KLHL28: variants seen among roughly 807,000 people sequenced by gnomAD.
The protein encoded by KLHL28 is kelch like family member 28.
Under a neutral mutation model 48.3 loss-of-function variants are expected in KLHL28, and 22 were observed. That is an observed-to-expected ratio of 0.46 (90% CI 0.33 to 0.65). The LOEUF is 0.65. Ranked by LOEUF, KLHL28 falls within the 30% of genes least tolerant of loss-of-function variation. The pLI is 0.03. For missense variants in KLHL28, 527 were observed against 704.3 expected (o/e 0.75, Z 2.85); for synonymous variants, 243 against 242.4 (o/e 1.00, Z -0.02).
intron 2 of KLHL28, among the ~76,000 whole-genome samples, chr14:44,941,628 CAAAA>C (rs1247926852): frequency 4.9e-5 from 4 of 81,076 alleles, no homozygotes; most frequent in Admixed American, 1.4e-4. Flanking sequence ...AACTCTGTCT[CAAAA>C]AAAAAAAAAA....
intron 1 of KLHL28, among the ~76,000 whole-genome samples, chr14:44,960,697 T>C (rs533303658): frequency 1.3e-5 from 2 of 151,714 alleles, no homozygotes; most frequent in African/African-American, 4.8e-5. Context: ...ATTTACATTA[T>C]AGTCTATTCC....
chr14:44,960,127 G>A (rs1884968340), intron 1 of KLHL28, among the ~76,000 whole-genome samples: 1 of 152,170 alleles, frequency 6.6e-6, no homozygotes. Context: ...AATCTGTAAT[G>A]TATAGTGATC....
At chr14:44,941,327 C>T (rs1391701780) in intron 2 of KLHL28, among the ~76,000 whole-genome samples, 1 of 152,100 alleles carries the variant, frequency 6.6e-6, no homozygotes, top group Admixed American at 6.6e-5. Context: ...ATTTCTACAA[C>T]TCTGCTTGAA....
chr14:44,933,735 T>C (rs1322064664), intron 3 of KLHL28, among the ~76,000 whole-genome samples: 1 of 152,196 alleles, frequency 6.6e-6, no homozygotes, highest in Non-Finnish European at 1.5e-5. Flanking sequence ...TAATATTGTA[T>C]AGACACACAG....
chr14:44,956,306 AT>A (rs1441835319), intron 1 of KLHL28, among the ~76,000 whole-genome samples: 1 of 152,178 alleles, frequency 6.6e-6, no homozygotes, highest in Non-Finnish European at 1.5e-5. Flanking sequence ...TAAAGAAGGA[AT>A]AATGGAATAT....
At chr14:44,960,300 T>C (rs1413776671) in intron 1 of KLHL28, among the ~76,000 whole-genome samples, 1 of 152,224 alleles carries the variant, frequency 6.6e-6, no homozygotes, top group East Asian at 1.9e-4. Context: ...GTTATTAACT[T>C]GGCTTCCCAA....
intron 1 of KLHL28, among the ~76,000 whole-genome samples, chr14:44,949,755 A>C (rs1884496474): frequency 1.3e-5 from 2 of 152,290 alleles, no homozygotes; most frequent in Admixed American, 1.3e-4. Context: ...ACCCAAGTAT[A>C]GAATAAGAGA....
chr14:44,954,250 T>C (rs1421285376), intron 1 of KLHL28, among the ~76,000 whole-genome samples: 1 of 152,218 alleles, frequency 6.6e-6, no homozygotes, highest in Non-Finnish European at 1.5e-5. Context: ...ATTTGGATTT[T>C]TCCTTTGACC....
At chr14:44,935,948 C>T (rs1883810116) in intron 2 of KLHL28, among the ~76,000 whole-genome samples, 1 of 131,582 alleles carries the variant, frequency 7.6e-6, no homozygotes, top group African/African-American at 2.7e-5. Context: ...GCTAATGTCC[C>T]CAAACTCAAT....
rs190739926 is a variant in KLHL28, at chr14:44,944,900, A to G, written c.899+130T>C. ...ATCACGTAAGTATTTTAGGAAGAAG[A>G]AAAAAAACTAAAAAGAAGCAAAGAA... On this transcript the variant is annotated intron_variant, in intron 2 of 4. Coordinates refer to ENST00000396128, the MANE Select transcript of KLHL28 (RefSeq NM_017658.5). 7.3e-4 allele frequency: 491 copies of G among 676,970 alleles called. 4 individuals carry two copies. The East Asian group carries it at 0.013, about 17-fold the overall frequency. The allele number at this position is 676,970 out of a possible 1,614,324, so 41.9% of individuals were successfully genotyped here. A position where few individuals can be genotyped will look rare whatever the true frequency, so the allele number is the denominator to read the frequency against.
chr14:44,931,930 C>T (rs560291822), intron 3 of KLHL28, among the ~76,000 whole-genome samples: 1 of 152,110 alleles, frequency 6.6e-6, no homozygotes, highest in Non-Finnish European at 1.5e-5. Flanking sequence ...ATAGTGCAAC[C>T]TGAAGGGATT....
chr14:44,952,009 T>C (rs1387220673), intron 1 of KLHL28, among the ~76,000 whole-genome samples: 2 of 151,932 alleles, frequency 1.3e-5, no homozygotes, highest in Non-Finnish European at 2.9e-5. Flanking sequence ...CAGGCACACA[T>C]CACCACGCCC....
At chr14:44,946,186 A>T (rs1017152260) in intron 1 of KLHL28, among the ~76,000 whole-genome samples, 7 of 152,338 alleles carry the variant, frequency 4.6e-5, no homozygotes, top group African/African-American at 1.4e-4. Context: ...AACCAAAAAA[A>T]TCTCTGACAA....
chr14:44,935,356 C>A (rs1468663545), intron 2 of KLHL28, among the ~76,000 whole-genome samples: 1 of 152,154 alleles, frequency 6.6e-6, no homozygotes, highest in Non-Finnish European at 1.5e-5. Flanking sequence ...GTTTCTTGAA[C>A]TGGTTTGTAA....
chr14:44,944,901 A>G, intron 2 of KLHL28, 129 bp downstream of exon 2: 1 of 698,212 alleles, frequency 1.4e-6, no homozygotes, highest in Middle Eastern at 4.2e-4. Context: ...AGGAAGAAGA[A>G]AAAAAACTAA....
chr14:44,938,488 C>T (rs1883923405), intron 2 of KLHL28, among the ~76,000 whole-genome samples: 1 of 152,094 alleles, frequency 6.6e-6, no homozygotes, highest in Non-Finnish European at 1.5e-5. Flanking sequence ...TCTCCTGCCT[C>T]AGCCTCCCGA....
At chr14:44,932,295 A>T (rs971377434) in intron 3 of KLHL28, among the ~76,000 whole-genome samples, 3 of 151,104 alleles carry the variant, frequency 2.0e-5, no homozygotes, top group Admixed American at 6.6e-5. Context: ...TCACAGGAGA[A>T]TTCATGTGGC....
Position 44,934,556 on chromosome 14 carries a change from A to G in KLHL28, c.902T>C (p.Val301Ala), listed in dbSNP as rs1016184084. 1 of 1,555,406 alleles carries G rather than the reference A, an allele frequency of 6.4e-7. No homozygotes were observed. Among genetic ancestry groups the G allele is most frequent in the Non-Finnish European group, 8.7e-7 (1 of 1,154,884 alleles). ...KSGLFACLDS[V>A]EMYFPQNDSW... ...GTCATTCTGAGGAAAGTACATCTCC[A>G]CACTAAAGAATAAGCAGAAAAAATA... The change falls in exon 3 of 5, where the codon GTG becomes GCG. Residue 301 changes from valine (V) to alanine (A), a missense_variant and splice_region_variant. By Grantham distance (64) the Val-to-Ala change is moderately conservative. Coordinates refer to ENST00000396128, the MANE Select transcript of KLHL28 (RefSeq NM_017658.5).
Position 44,929,175 on chromosome 14 carries a change from T to C in KLHL28, c.1569A>G (p.Val523=), listed in dbSNP as rs1320010126. 6.2e-7 allele frequency: 1 copy of C among 1,610,382 alleles called. No homozygotes were observed. ...KEPRTGVGAA[V]IDNYLYVVGG... is the part of the protein sequence containing the mutation. ...CGACGACATAAAGGTAGTTATCGAT[T>C]ACAGCAGCACCAACTCCTAGGAAAG... is the stretch of plus-strand genomic sequence containing the variant. Residue 523 remains valine (V), a synonymous_variant, in exon 5 of 5, where the codon GTA becomes GTG. Transcript: ENST00000396128.
Sources: gnomAD v4.1 joint callset for allele counts (sites outside exome capture counted in the v4.1 genomes callset) on GRCh38, gnomAD v4.1.1 for gene constraint, MANE v1.5 for transcripts, NCBI Gene and HGNC (gene_info 2026-07-23, HGNC 2026-07-21) for gene names.